The following SERAC1 variants were observed in gnomAD, a reference collection of about 807,000 sequenced individuals.
The protein encoded by SERAC1 is protein SERAC1.
Under a neutral mutation model 85.7 loss-of-function variants are expected in SERAC1, and 36 were observed. The ratio of observed to expected loss-of-function variants is 0.42; its 90% CI spans 0.32 to 0.55. The LOEUF is 0.55. SERAC1 is among the 20% of genes least tolerant of loss of function. The pLI is 0.11. For missense variants in SERAC1, 629 were observed against 796.2 expected (o/e 0.79, Z 2.53); for synonymous variants, 242 against 265.3 (o/e 0.91, Z 0.85).
chr6:158,130,974 AAATTC>A (rs1264684568), intron 8 of SERAC1, among the ~76,000 whole-genome samples: 5 of 152,238 alleles, frequency 3.3e-5, no homozygotes, highest in South Asian at 2.1e-4. Flanking sequence ...TCTTAAGTTG[AAATTC>A]AATTCAAGTT....
chr6:158,118,618 C>CAAAA (rs576637812), intron 12 of SERAC1, among the ~76,000 whole-genome samples: 1 of 90,392 alleles, frequency 1.1e-5, no homozygotes, highest in African/African-American at 3.8e-5. Context: ...ACCCTCATCT[C>CAAAA]AAAAAAAAAA....
chr6:158,114,067 G>GA (rs5881241), intron 15 of SERAC1, among the ~76,000 whole-genome samples: 30,233 of 151,342 alleles, frequency 0.2, 3,118 homozygotes, highest in East Asian at 0.3. Context: ...GCTGGCCACA[G>GA]AAAAAAAACA....
intron 3 of SERAC1, among the ~76,000 whole-genome samples, chr6:158,152,317 A>T (rs940548973): frequency 2.6e-5 from 4 of 152,158 alleles, no homozygotes; most frequent in Non-Finnish European, 5.9e-5. Flanking sequence ...GGAATTCAAG[A>T]CCGGCCTGGC....
At chr6:158,126,627 T>C (rs554244248) in intron 10 of SERAC1, among the ~76,000 whole-genome samples, 1 of 152,296 alleles carries the variant, frequency 6.6e-6, no homozygotes, top group Non-Finnish European at 1.5e-5. Context: ...GGGCAGGAAC[T>C]GTCAGAGGAT....
At chr6:158,153,973 A>C (rs1183938290) in intron 3 of SERAC1, among the ~76,000 whole-genome samples, 1 of 148,984 alleles carries the variant, frequency 6.7e-6, no homozygotes, top group Non-Finnish European at 1.5e-5. Context: ...TCTACTAAAA[A>C]TACAAATACA....
intron 5 of SERAC1, among the ~76,000 whole-genome samples, chr6:158,147,993 C>T (rs544438448): frequency 3.9e-5 from 6 of 152,164 alleles, no homozygotes; most frequent in South Asian, 2.1e-4. Context: ...AACCACAATG[C>T]TATTATCACA....
chr6:158,111,654 C>T, intron 16 of SERAC1, 152 bp from the exon 17 acceptor site: 1 of 537,834 alleles, frequency 1.9e-6, no homozygotes, highest in African/African-American at 1.9e-5. Context: ...TTGATTGCAG[C>T]TAAACTACAT....
intron 13 of SERAC1, 159 bp from the exon 14 acceptor site, chr6:158,116,441 C>G (rs1256938871): frequency 1.7e-6 from 1 of 601,366 alleles, no homozygotes; most frequent in East Asian, 2.9e-5. Context: ...TATAAAATAC[C>G]CCTATTCTCT....
At chr6:158,151,263 T>C (rs1051183856) in intron 3 of SERAC1, 1 of 151,674 alleles carries the variant, frequency 6.6e-6, no homozygotes, top group Non-Finnish European at 1.5e-5. Context: ...AAAAAAAAAA[T>C]TTTGCTGGCA....
At chr6:158,160,356 A>C (rs781704162) in intron 1 of SERAC1, among the ~76,000 whole-genome samples, 1 of 152,214 alleles carries the variant, frequency 6.6e-6, no homozygotes, top group Non-Finnish European at 1.5e-5. Context: ...AAAACACCCC[A>C]ATCTGTGGCA....
intron 10 of SERAC1, among the ~76,000 whole-genome samples, chr6:158,126,682 TG>T (rs1299854735): frequency 6.6e-6 from 1 of 152,184 alleles, no homozygotes; most frequent in East Asian, 1.9e-4. Flanking sequence ...TCCCCACAGC[TG>T]GTTTATTACT....
intron 5 of SERAC1, among the ~76,000 whole-genome samples, chr6:158,148,529 G>C (rs1785124843): frequency 6.6e-6 from 1 of 152,004 alleles, no homozygotes; most frequent in African/African-American, 2.4e-5. Context: ...TGCAACCTCT[G>C]CCTCCTGAGT....
chr6:158,127,050 CAA>C (rs35185078), intron 10 of SERAC1, among the ~76,000 whole-genome samples: 323 of 143,762 alleles, frequency 2.2e-3, no homozygotes, highest in African/African-American at 4.6e-3. Flanking sequence ...GAGATTCTCT[CAA>C]AAAAAAAAAA....
intron 1 of SERAC1, chr6:158,161,512 G>A (rs979710632): frequency 9.2e-5 from 14 of 151,952 alleles, no homozygotes; most frequent in African/African-American, 3.1e-4. Context: ...AGAAATCTAA[G>A]TCTAACTGTT....
intron 1 of SERAC1, among the ~76,000 whole-genome samples, chr6:158,165,358 T>A (rs1785574656): frequency 6.6e-6 from 1 of 152,110 alleles, no homozygotes; most frequent in Non-Finnish European, 1.5e-5. Flanking sequence ...GGTTTCACCG[T>A]GTTATCCAGG....
At chr6:158,143,343 CTCTCTATA>C (rs1438543125) in intron 7 of SERAC1, among the ~76,000 whole-genome samples, 159 bp from the exon 8 acceptor site, 454 of 33,504 alleles carry the variant, frequency 0.014, 1 homozygote, top group Middle Eastern at 0.033. Context: ...CTCTCTCTCT[CTCTCTATA>C]TATATATATA....
At chr6:158,157,716 A>G (rs1289693948) in intron 2 of SERAC1, among the ~76,000 whole-genome samples, 1 of 152,266 alleles carries the variant, frequency 6.6e-6, no homozygotes, top group Non-Finnish European at 1.5e-5. Flanking sequence ...ATGATAAATA[A>G]CTAGGTTATA....
At chr6:158,156,057 G>A (rs553331811) in intron 2 of SERAC1, among the ~76,000 whole-genome samples, 1 of 152,298 alleles carries the variant, frequency 6.6e-6, no homozygotes, top group East Asian at 1.9e-4. Context: ...GCTAAGGCAG[G>A]AGAATCGCTT....
In SERAC1 at chr6:158,157,018, A is replaced by G. The variant is rs2128424538; in HGVS notation, c.91+1255T>C. On this transcript the variant is annotated intron_variant, in intron 2 of 16. Transcript: ENST00000647468. The stretch of plus-strand genomic sequence containing the variant: ...AAACTATATATATATATATGTATAG[A>G]CAGAGTTTCATTCTGTTGCCCAGGC... Among the ~76,000 whole-genome samples, 3 of 147,878 alleles carry G rather than the reference A, an allele frequency of 2.0e-5. No individual in the cohort carries two copies. In the South Asian group the frequency reaches 6.3e-4, roughly 31 times the overall value.
Sources: allele counts gnomAD v4.1 joint callset (sites outside exome capture counted in the v4.1 genomes callset), GRCh38; gene constraint gnomAD v4.1.1; transcripts MANE v1.5; gene names NCBI Gene and HGNC (gene_info 2026-07-23, HGNC 2026-07-21).